The following WIPF1 variants were observed in gnomAD, a reference collection of about 807,000 sequenced individuals.
WIPF1 encodes WAS/WASL interacting protein family member 1.
Under a neutral mutation model 35.4 loss-of-function variants are expected in WIPF1, and 13 were observed. The ratio of observed to expected loss-of-function variants is 0.37; its 90% CI spans 0.24 to 0.58. The LOEUF (loss-of-function observed/expected upper bound fraction) is 0.58. Among genes scored for constraint, WIPF1 ranks in the 20% least tolerant of loss-of-function variants. WIPF1 has a pLI of 0.74. For missense variants in WIPF1, 591 were observed against 667.0 expected (o/e 0.89, Z 1.25); for synonymous variants, 267 against 266.3 (o/e 1.00, Z -0.02).
intron 5 of WIPF1, among the ~76,000 whole-genome samples, chr2:174,568,337 A>G (rs756690767): frequency 2.6e-4 from 40 of 152,252 alleles, no homozygotes; most frequent in Non-Finnish European, 4.3e-4. Context: ...GAGATGGCAC[A>G]GTGAAATTGA....
Position 174,590,610 on chromosome 2 carries a change from G to C in WIPF1, c.-38-4999C>G, listed in dbSNP as rs1685573240. 6.6e-6 allele frequency among the ~76,000 whole-genome samples: 1 copy of C among 152,182 alleles called. No homozygotes were observed. Among genetic ancestry groups the C allele is most frequent in the Non-Finnish European group, 1.5e-5 (1 of 68,034 alleles). ...GAAGGGACTCAGCAGCAGTTTCCCA[G>C]TGTGGTCAGTCATCTCCTGCATCAG... On this transcript the variant is annotated intron_variant, in intron 1 of 7. Transcript: ENST00000679041. The surrounding 1 kb of genome is among the most constrained non-coding windows in gnomAD (Gnocchi z 4.6).
At chr2:174,668,659 A>C (rs1374686221) in intron 1 of WIPF1, among the ~76,000 whole-genome samples, 1 of 152,156 alleles carries the variant, frequency 6.6e-6, no homozygotes, top group African/African-American at 2.4e-5. Flanking sequence ...TGGACCCAAA[A>C]CACCACACAA....
chr2:174,599,829 C>A (rs1365326029), upstream of WIPF1, among the ~76,000 whole-genome samples: 1 of 152,078 alleles, frequency 6.6e-6, no homozygotes, highest in Non-Finnish European at 1.5e-5. Context: ...CTCTCTCTCT[C>A]TCTCTCTCTC....
intron 1 of WIPF1, among the ~76,000 whole-genome samples, chr2:174,593,218 ATCTC>A (rs147778511): frequency 6.6e-6 from 1 of 151,652 alleles, no homozygotes. Flanking sequence ...GTACATGTAC[ATCTC>A]TCTCTCTCTC....
In WIPF1 at chr2:174,659,345, T is replaced by A. The variant is rs1687709914; in HGVS notation, c.-39+23429A>T. Among the ~76,000 whole-genome samples the A allele has an allele frequency of 2.0e-5, 3 of 152,202 alleles. No homozygotes were observed. The South Asian group carries it at 6.2e-4, about 31-fold the overall frequency. On this transcript the variant is annotated intron_variant, in intron 1 of 8. Coordinates refer to the WIPF1 transcript ENST00000272746. ...CCTGTTTGTGTATTAACAAAATCCA[T>A]GGGTGTCTCAAGGAGAAGCATTATT...
intron 1 of WIPF1, among the ~76,000 whole-genome samples, chr2:174,612,745 T>C (rs1029537904): frequency 2.0e-5 from 3 of 152,040 alleles, no homozygotes; most frequent in Non-Finnish European, 4.4e-5. Context: ...ATTATTAGTA[T>C]ATCTTACTCC....
chr2:174,628,523 C>A (rs897582095), intron 1 of WIPF1, among the ~76,000 whole-genome samples: 2 of 152,240 alleles, frequency 1.3e-5, no homozygotes, highest in Admixed American at 6.5e-5. Flanking sequence ...TTTCTACCCA[C>A]AAAATTCCAA....
At position 174,612,400 on chromosome 2, in the gene WIPF1, T is replaced by C. The variant is rs189285119; in HGVS notation, c.-38-26789A>G. Among the ~76,000 whole-genome samples, 13 of 152,344 alleles carry C rather than the reference T, an allele frequency of 8.5e-5. 1 individual carries two copies. Among genetic ancestry groups the C allele is most frequent in the Middle Eastern group, 6.8e-3 (2 of 294 alleles). On this transcript the variant is annotated intron_variant, in intron 1 of 8. Transcript: ENST00000272746. Reference sequence around the variant, plus strand: ...ATTTTAATAGTTGCATATCTCATTTTCTGGATGTTCTATTATCTATGTAAA... The same window carrying C: ...ATTTTAATAGTTGCATATCTCATTTCCTGGATGTTCTATTATCTATGTAAA...
chr2:174,603,951 T>C (rs1686080909), intron 1 of WIPF1, among the ~76,000 whole-genome samples: 1 of 152,222 alleles, frequency 6.6e-6, no homozygotes, highest in Non-Finnish European at 1.5e-5. Flanking sequence ...ATTTACATTT[T>C]AAAGGAGGAT....
intron 1 of WIPF1, among the ~76,000 whole-genome samples, chr2:174,625,459 G>A (rs1191270245): frequency 6.6e-6 from 1 of 152,138 alleles, no homozygotes; most frequent in Non-Finnish European, 1.5e-5. Context: ...AGGCTGGGGG[G>A]CTCTGGATGC....
At chr2:174,616,637 T>TA (rs1488957984) in intron 1 of WIPF1, among the ~76,000 whole-genome samples, 1 of 152,190 alleles carries the variant, frequency 6.6e-6, no homozygotes, top group Non-Finnish European at 1.5e-5. Context: ...TTTGAGCGTT[T>TA]AAAAATATTC....
chr2:174,625,936 T>C (rs966654740), intron 1 of WIPF1: 3 of 152,224 alleles, frequency 2.0e-5, no homozygotes, highest in Non-Finnish European at 4.4e-5. Flanking sequence ...CTTGTGAATA[T>C]GGAGGGCCAG....
chr2:174,654,785 C>T (rs1574862684), intron 1 of WIPF1, among the ~76,000 whole-genome samples: 1 of 152,152 alleles, frequency 6.6e-6, no homozygotes, highest in Non-Finnish European at 1.5e-5. Flanking sequence ...CTGCTCTCTG[C>T]AACCCACCAA....
intron 1 of WIPF1, among the ~76,000 whole-genome samples, chr2:174,623,037 T>C (rs578152291): frequency 5.3e-5 from 8 of 152,344 alleles, no homozygotes; most frequent in East Asian, 1.9e-4. Context: ...CAAAATGGTT[T>C]AAAACAAATG....
intron 1 of WIPF1, among the ~76,000 whole-genome samples, chr2:174,604,172 G>A (rs1268981893): frequency 6.6e-6 from 1 of 152,138 alleles, no homozygotes; most frequent in Non-Finnish European, 1.5e-5. Context: ...CACTACAGTT[G>A]GTATTGTTTG....
intron 2 of WIPF1, among the ~76,000 whole-genome samples, chr2:174,582,343 C>T (rs1403224537): frequency 6.6e-6 from 1 of 152,214 alleles, no homozygotes; most frequent in Admixed American, 6.5e-5. Flanking sequence ...GATGTAGGCA[C>T]CTGCCTGTGT....
intron 1 of WIPF1, among the ~76,000 whole-genome samples, chr2:174,589,054 G>A (rs1482395013): frequency 3.3e-5 from 5 of 152,150 alleles, no homozygotes; most frequent in Non-Finnish European, 7.3e-5. Context: ...TCTCCAGGCT[G>A]GGGCCTCAAG....
At chr2:174,637,591 T>C (rs1030729193) in intron 1 of WIPF1, among the ~76,000 whole-genome samples, 3 of 152,144 alleles carry the variant, frequency 2.0e-5, no homozygotes, top group African/African-American at 7.2e-5. Flanking sequence ...ATCGAGACCA[T>C]GCTGGCTAAC....
chr2:174,567,935 G>A lies in WIPF1; in HGVS notation c.1268C>T (p.Pro423Leu). Residue 423 changes from proline to leucine, a missense_variant, in exon 6 of 8, where the codon CCC becomes CTC. By Grantham distance (98) the Pro-to-Leu change is moderately conservative. Around this residue, in one of 3 missense-constraint regions of WIPF1, gnomAD observed 117 missense variants for 149.6 expected, o/e 0.78. Coordinates refer to ENST00000679041, the MANE Select transcript of WIPF1 (RefSeq NM_001375834.1). ...AGGTGGGGGAGGTGCCCCAGCACTGGGCCTATCAGGAGGAAGGGGAGGCCT... is the reference window on the plus strand; with the variant it reads ...AGGTGGGGGAGGTGCCCCAGCACTGAGCCTATCAGGAGGAAGGGGAGGCCT... Reference protein sequence around the residue: ...GPRPPLPPDRPSAGAPPPPPP... With the variant: ...GPRPPLPPDRLSAGAPPPPPP... 6.2e-7 allele frequency: 1 copy of A among 1,614,016 alleles called. No homozygotes were observed. The highest frequency in any genetic ancestry group is 8.5e-7 in the Non-Finnish European group (1 of 1,179,968).
Sources: allele counts gnomAD v4.1 joint callset (sites outside exome capture counted in the v4.1 genomes callset), GRCh38; gene constraint gnomAD v4.1.1; regional missense constraint gnomAD v4.1.1; non-coding constraint Gnocchi (gnomAD v3.1); transcripts MANE v1.5; gene names NCBI Gene and HGNC (gene_info 2026-07-23, HGNC 2026-07-21).